GRPEL2: variants seen among roughly 807,000 people sequenced by gnomAD.
GRPEL2 encodes the protein grpE protein homolog 2, mitochondrial.
A neutral mutation model predicts 25.9 loss-of-function variants in GRPEL2; 18 were observed. The ratio of observed to expected loss-of-function variants is 0.70; its 90% CI spans 0.48 to 1.03. GRPEL2 has a LOEUF of 1.03. Ranked by LOEUF, GRPEL2 falls within the 50% of genes least tolerant of loss-of-function variation. GRPEL2 has a pLI of 0.00. For synonymous variants in GRPEL2, 106 were observed against 107.9 expected, an observed-to-expected ratio of 0.98 and a Z score of 0.11; for missense variants, 247 against 276.2, an observed-to-expected ratio of 0.89 and a Z score of 0.75.
intron 3 of GRPEL2, 134 bp from the exon 4 acceptor site, chr5:149,350,784 A>C (rs1232620190): frequency 1.2e-6 from 1 of 849,984 alleles, no homozygotes; most frequent in African/African-American, 1.7e-5. Flanking sequence ...ATGATCTCTG[A>C]GTCCTGTGTG....
chr5:149,346,802 A>G (rs911241729), intron 1 of GRPEL2, among the ~76,000 whole-genome samples: 1 of 128,716 alleles, frequency 7.8e-6, no homozygotes, highest in Non-Finnish European at 1.5e-5. Flanking sequence ...CAGTGGCACA[A>G]TCTCGGCTCA....
rs552036179 is a variant in GRPEL2 at position 149,354,203 on chromosome 5, A to G, written c.*2921A>G. On this transcript the variant is annotated 3_prime_UTR_variant, in exon 4 of 4. Coordinates refer to ENST00000329271, the MANE Select transcript of GRPEL2 (RefSeq NM_152407.4). ...ACAGGAAACCCACATTTTTAGATGGAAAGAGCAAGAAAATTGTGTCAGTGC... is the reference window on the plus strand; with the variant it reads ...ACAGGAAACCCACATTTTTAGATGGGAAGAGCAAGAAAATTGTGTCAGTGC... 1 of 152,326 alleles carries G rather than the reference A, an allele frequency of 6.6e-6. No homozygotes were observed. The highest frequency in any genetic ancestry group is 1.5e-5 in the Non-Finnish European group (1 of 68,030). 9.4% of individuals were successfully genotyped at this position (152,326 alleles called of 1,614,324 possible). A position where few individuals can be genotyped will look rare whatever the true frequency, so the allele number is the denominator to read the frequency against.
In GRPEL2 at chr5:149,352,924, A is replaced by T. The variant is rs1344230104; in HGVS notation, c.*1642A>T. On this transcript the variant is annotated 3_prime_UTR_variant, in exon 4 of 4. Coordinates refer to ENST00000329271, the MANE Select transcript of GRPEL2 (RefSeq NM_152407.4). ...TTTAAGATTAATGGGCATGCAATGA[A>T]GTCTCCAGCAGACAATCAGATGTTG... The T allele has an allele frequency of 6.6e-6, 1 of 152,308 alleles. No individual in the cohort carries two copies. The highest frequency in any genetic ancestry group is 1.5e-5 in the Non-Finnish European group (1 of 68,032). 9.4% of individuals were successfully genotyped at this position (152,308 alleles called of 1,614,324 possible).
Position 149,351,463 on chromosome 5 carries a change from G to A in GRPEL2, c.*181G>A, listed in dbSNP as rs188254387. The stretch of plus-strand genomic sequence containing the variant: ...TGTGACCTGTTTGGTCTCATCAGAA[G>A]TCTTACCATTGGGCATTTGAACAGT... On this transcript the variant is annotated 3_prime_UTR_variant, in exon 4 of 4. Transcript: ENST00000329271. The A allele has an allele frequency of 2.0e-4, 130 of 636,736 alleles. 1 individual carries two copies. Among genetic ancestry groups the A allele is most frequent in the African/African-American group, 1.5e-3 (83 of 54,882 alleles). The allele number at this position is 636,736 out of a possible 1,614,324, so 39.4% of individuals were successfully genotyped here.
In GRPEL2 at chr5:149,352,993, A is replaced by G. The variant is rs1258988484; in HGVS notation, c.*1711A>G. On this transcript the variant is annotated 3_prime_UTR_variant, in exon 4 of 4. Transcript: ENST00000329271. ...TAGGTTTAGGTTGAAGTTATAAAATAAAATAAAATTCATTTTCCACTGGAA... is the reference window on the plus strand; with the variant it reads ...TAGGTTTAGGTTGAAGTTATAAAATGAAATAAAATTCATTTTCCACTGGAA... 4 of 152,638 alleles carry G rather than the reference A, an allele frequency of 2.6e-5. No homozygotes were observed. Among genetic ancestry groups the G allele is most frequent in the East Asian group, 1.9e-4 (1 of 5,206 alleles). The allele number at this position is 152,638 out of a possible 1,614,324, so 9.5% of individuals were successfully genotyped here. A position where few individuals can be genotyped will look rare whatever the true frequency, so the allele number is the denominator to read the frequency against.
Position 149,353,555 on chromosome 5 carries a change from GTTTTGTT to G in GRPEL2, c.*2279_*2285del, listed in dbSNP as rs1757808451. The G allele has an allele frequency of 6.6e-6, 1 of 150,768 alleles. No individual in the cohort carries two copies. The highest frequency in any genetic ancestry group is 2.4e-5 in the African/African-American group (1 of 40,864). The allele number at this position is 150,768 out of a possible 1,614,324, so 9.3% of individuals were successfully genotyped here. On this transcript the variant is annotated 3_prime_UTR_variant, in exon 4 of 4. Coordinates refer to ENST00000329271, the MANE Select transcript of GRPEL2 (RefSeq NM_152407.4). ...GCAAGTGCACCACCATGACTGGCTA[GTTTTGTT>G]TTTTGGTTTTTGGTTTTTGGTTTTT...
At chr5:149,345,876 GC>G in intron 1 of GRPEL2, 1 of 532,892 alleles carries the variant, frequency 1.9e-6, no homozygotes. Flanking sequence ...AGTCTCTTAA[GC>G]CCCCAAGGGA....
chr5:149,349,814 C>A, intron 3 of GRPEL2, 79 bp downstream of exon 3: 2 of 997,196 alleles, frequency 2.0e-6, no homozygotes, highest in Non-Finnish European at 3.2e-6. Context: ...CTTTGAGAGT[C>A]TAAGGCTGTC....
rs371505802 is a variant in GRPEL2, at chr5:149,345,510, G to A, written c.-30G>A. Reference sequence around the variant, plus strand: ...ATCTCTTCACTCGCAGCAAGTGCGCGTGCGCTGCCTCTCAGCCCAAATTGG... The same window carrying A: ...ATCTCTTCACTCGCAGCAAGTGCGCATGCGCTGCCTCTCAGCCCAAATTGG... On this transcript the variant is annotated 5_prime_UTR_variant, in exon 1 of 4. In the 5' UTR this introduces an upstream ATG that the reference lacks. Transcript: ENST00000329271. 8 of 1,595,432 alleles carry A rather than the reference G, an allele frequency of 5.0e-6. No individual in the cohort carries two copies. The African/African-American group carries it at 9.4e-5, about 19-fold the overall frequency.
At chr5:149,349,762 G>A (rs761535980) in intron 3 of GRPEL2, 27 bp downstream of exon 3, 2 of 1,562,186 alleles carry the variant, frequency 1.3e-6, no homozygotes, top group Non-Finnish European at 1.8e-6. Context: ...CAATAAAAAT[G>A]TCTTTGGTTG....
intron 2 of GRPEL2, 96 bp from the exon 3 acceptor site, chr5:149,349,558 A>G: frequency 7.0e-6 from 6 of 861,318 alleles, no homozygotes; most frequent in Non-Finnish European, 1.1e-5. Flanking sequence ...ATAAAAACCT[A>G]TCAAAAGGGT....
chr5:149,351,103 A>T lies in GRPEL2; in HGVS notation c.499A>T (p.Thr167Ser). The T allele has an allele frequency of 6.2e-7, 1 of 1,614,182 alleles. No homozygotes were observed. The highest frequency in any genetic ancestry group is 1.7e-5 in the Admixed American group (1 of 60,024). The change falls in exon 4 of 4, where the codon ACA becomes TCA. Residue 167 changes from threonine to serine, a missense_variant. Physicochemically the swap from Thr to Ser is moderately conservative, Grantham distance 58 (BLOSUM62 1). This residue lies in a region of GRPEL2 where 122 missense variants were observed against 169.2 expected (regional missense o/e 0.72). Coordinates refer to ENST00000329271, the MANE Select transcript of GRPEL2 (RefSeq NM_152407.4). The stretch of plus-strand genomic sequence containing the variant: ...TGCCAAGCATGGCCTGGAGAAACTG[A>T]CACCCATTGGTGACAAATATGACCC... ...VFAKHGLEKLTPIGDKYDPHE... is the reference protein window; with the variant it reads ...VFAKHGLEKLSPIGDKYDPHE...
Position 149,351,144 on chromosome 5 carries a change from C to CT in GRPEL2, c.540_541insT (p.Ile181TyrfsTer31). On this transcript the variant is annotated frameshift_variant, in exon 4 of 4. Coordinates refer to ENST00000329271, the MANE Select transcript of GRPEL2 (RefSeq NM_152407.4). LOFTEE classifies it high-confidence loss of function. ...AATATGACCCCCATGAGCATGAACTCATCTGTCATGTGCCAGCTGGTGTTG... is the reference window on the plus strand; with the variant it reads ...AATATGACCCCCATGAGCATGAACTCTATCTGTCATGTGCCAGCTGGTGTTG... The CT allele has an allele frequency of 6.2e-7, 1 of 1,614,196 alleles. No homozygotes were observed. The highest frequency in any genetic ancestry group is 8.5e-7 in the Non-Finnish European group (1 of 1,180,034).
chr5:149,353,398 GTTAGAA>G lies in GRPEL2; in HGVS notation c.*2120_*2125del, dbSNP rs1247974791. 6.6e-6 allele frequency: 1 copy of G among 152,062 alleles called. No individual in the cohort carries two copies. The highest frequency in any genetic ancestry group is 1.5e-5 in the Non-Finnish European group (1 of 68,020). The allele number at this position is 152,062 out of a possible 1,614,324, so 9.4% of individuals were successfully genotyped here. The stretch of plus-strand genomic sequence containing the variant: ...TTTTTATTGCTAGCTATCATTACCA[GTTAGAA>G]TTAACATTAATTACAATTAACAATA... On this transcript the variant is annotated 3_prime_UTR_variant, in exon 4 of 4. Transcript: ENST00000329271.
chr5:149,347,962 C>G (rs1232221646), intron 1 of GRPEL2, among the ~76,000 whole-genome samples: 1 of 152,112 alleles, frequency 6.6e-6, no homozygotes, highest in Non-Finnish European at 1.5e-5. Flanking sequence ...GTGTCCTGAC[C>G]CAGCGGAATA....
chr5:149,351,826 C>T lies in GRPEL2; in HGVS notation c.*544C>T, dbSNP rs1251669511. The stretch of plus-strand genomic sequence containing the variant: ...GTTCTTGTAATCCCAACTAGATAGG[C>T]TTTATGCTCACATCATTGTCCCATA... On this transcript the variant is annotated 3_prime_UTR_variant, in exon 4 of 4. Coordinates refer to ENST00000329271, the MANE Select transcript of GRPEL2 (RefSeq NM_152407.4). 6.5e-6 allele frequency: 1 copy of T among 154,714 alleles called. No homozygotes were observed. The highest frequency in any genetic ancestry group is 1.9e-4 in the East Asian group (1 of 5,220). 9.6% of individuals were successfully genotyped at this position (154,714 alleles called of 1,614,324 possible).
rs1021009484 is a variant in GRPEL2, at chr5:149,351,544, G to A, written c.*262G>A. On this transcript the variant is annotated 3_prime_UTR_variant, in exon 4 of 4. Coordinates refer to ENST00000329271, the MANE Select transcript of GRPEL2 (RefSeq NM_152407.4). ...ACATGTTTAGGAAAATTGGTACTGT[G>A]ATAAATTTGAATCCAAAATCCTTTT... 6.1e-6 allele frequency: 2 copies of A among 327,410 alleles called. No individual in the cohort carries two copies. Among genetic ancestry groups the A allele is most frequent in the African/African-American group, 4.2e-5 (2 of 47,994 alleles). 20.3% of individuals were successfully genotyped at this position (327,410 alleles called of 1,614,324 possible). A position where few individuals can be genotyped will look rare whatever the true frequency, so the allele number is the denominator to read the frequency against.
intron 2 of GRPEL2, 104 bp downstream of exon 2, chr5:149,348,529 C>T: frequency 1.1e-6 from 1 of 903,530 alleles, no homozygotes; most frequent in Non-Finnish European, 1.6e-6. Flanking sequence ...TTAATTGGCT[C>T]TTTATCTGCT....
intron 2 of GRPEL2, among the ~76,000 whole-genome samples, 174 bp from the exon 3 acceptor site, chr5:149,349,480 T>C (rs1757743558): frequency 6.6e-6 from 1 of 151,996 alleles, no homozygotes; most frequent in African/African-American, 2.4e-5. Flanking sequence ...TGCTAAAGAG[T>C]GGGTTTCTGC....
Sources: allele counts gnomAD v4.1 joint callset (sites outside exome capture counted in the v4.1 genomes callset), GRCh38; gene constraint gnomAD v4.1.1; regional missense constraint gnomAD v4.1.1; transcripts MANE v1.5; gene names NCBI Gene and HGNC (gene_info 2026-07-23, HGNC 2026-07-21).